Variants in IL3RA observed in about 807,000 individuals in gnomAD.
IL3RA encodes the protein interleukin 3 receptor subunit alpha.
A neutral mutation model predicts 52.3 loss-of-function variants in IL3RA; 73 were observed. The observed-to-expected ratio is 1.40, with a 90% confidence interval of 1.16 to 1.70. The LOEUF (loss-of-function observed/expected upper bound fraction) is 1.70. Among genes scored for constraint, IL3RA ranks in the 40% most tolerant of loss-of-function variants. The pLI, the probability that IL3RA is intolerant of heterozygous loss-of-function variation, is 0.00. For missense variants in IL3RA, 664 were observed against 504.4 expected, an observed-to-expected ratio of 1.32 and a Z score of -3.03; for synonymous variants, 260 against 194.0, an observed-to-expected ratio of 1.34 and a Z score of -2.83.
Position 1,341,756 on chromosome X carries a change from TGC to T in IL3RA, c.-8_-7del, listed in dbSNP as rs1208390425. The stretch of plus-strand genomic sequence containing the variant: ...GCACCTCTGTCCTGCGTTCCGGAGC[TGC>T]GTTCCCGATGGTCCTCCTTTGGCTC... On this transcript the variant is annotated 5_prime_UTR_variant, in exon 2 of 12. Coordinates refer to ENST00000331035, the MANE Select transcript of IL3RA (RefSeq NM_002183.4). 6.2e-7 allele frequency: 1 copy of T among 1,613,794 alleles called. No individual in the cohort carries two copies. Among genetic ancestry groups the T allele is most frequent in the Non-Finnish European group, 8.5e-7 (1 of 1,179,866 alleles).
intron 8 of IL3RA, among the ~76,000 whole-genome samples, chrX:1,360,024 T>C (rs1446787371): frequency 1.1e-5 from 1 of 91,508 alleles, no homozygotes; most frequent in Admixed American, 1.2e-4. Flanking sequence ...TATCTTCCCT[T>C]CTCCCCATCT....
intron 3 of IL3RA, among the ~76,000 whole-genome samples, chrX:1,348,018 CAG>C (rs2085839113): frequency 8.5e-6 from 1 of 118,306 alleles, no homozygotes; most frequent in Admixed American, 9.8e-5. Flanking sequence ...GCCTGGGCGA[CAG>C]AGCGAGACTC....
intron 6 of IL3RA, among the ~76,000 whole-genome samples, chrX:1,354,393 A>C (rs6603273): frequency 0.77 from 116,304 of 150,992 alleles, 45,544 homozygotes; most frequent in African/African-American, 0.88. Context: ...CCTGAACCCA[A>C]GGGCAGGGTG....
intron 2 of IL3RA, among the ~76,000 whole-genome samples, chrX:1,344,000 T>G (rs1383287977): frequency 6.6e-6 from 1 of 151,842 alleles, no homozygotes; most frequent in East Asian, 2.0e-4. Flanking sequence ...TTCACCGTGT[T>G]AGCCAGGATG....
chrX:1,364,363 C>CAT (rs1263576970), intron 8 of IL3RA, among the ~76,000 whole-genome samples: 1 of 136,888 alleles, frequency 7.3e-6, no homozygotes, highest in East Asian at 2.2e-4. Context: ...TGGTGGTGGG[C>CAT]GCCTGTAATC....
At chrX:1,356,190 TAAATCCTAA>T (rs2086690505) in intron 6 of IL3RA, 22 bp from the exon 7 acceptor site, 1 of 1,096,426 alleles carries the variant, frequency 9.1e-7, no homozygotes, top group Non-Finnish European at 1.3e-6. Context: ...CTTGTACTCC[TAAATCCTAA>T]AAGTGTTTTT....
rs1214798523 is a variant in IL3RA at position 1,358,805 on chromosome X, G to A, written c.733-56G>A. 3.7e-6 allele frequency: 6 copies of A among 1,603,926 alleles called. No homozygotes were observed. The Admixed American group carries it at 5.1e-5, about 14-fold the overall frequency. On this transcript the variant is annotated intron_variant, in intron 7 of 11. Coordinates refer to ENST00000331035, the MANE Select transcript of IL3RA (RefSeq NM_002183.4). ...AGGGAGAAATTTGAGTTTGGGAGGA[G>A]GAGGCTTTCAGGGACGGTCCAGACA...
intron 8 of IL3RA, among the ~76,000 whole-genome samples, chrX:1,359,312 A>T (rs1189699736): frequency 1.3e-5 from 2 of 151,956 alleles, no homozygotes; most frequent in Non-Finnish European, 2.9e-5. Context: ...GCATTCAGAC[A>T]GGTGGCCCAG....
At chrX:1,366,487 C>G (rs2088052290) in intron 9 of IL3RA, among the ~76,000 whole-genome samples, 1 of 80,996 alleles carries the variant, frequency 1.2e-5, no homozygotes, top group Non-Finnish European at 2.5e-5. Flanking sequence ...GCGGGGTGAG[C>G]CGGGTGCCCC....
At chrX:1,365,011 G>T in intron 8 of IL3RA, 127 bp from the exon 9 acceptor site, 3 of 615,920 alleles carry the variant, frequency 4.9e-6, no homozygotes, top group Non-Finnish European at 9.0e-6. Context: ...GTTTCACCAT[G>T]TTGGCCAGGC....
chrX:1,337,393 GT>G (rs1391105366), intron 1 of IL3RA, among the ~76,000 whole-genome samples: 30 of 152,284 alleles, frequency 2.0e-4, no homozygotes, highest in African/African-American at 7.0e-4. Flanking sequence ...TGCTTGTAGT[GT>G]TTCTCAGTGG....
chrX:1,356,204 G>C lies in IL3RA; in HGVS notation c.617-17G>C. On this transcript the variant is annotated splice_polypyrimidine_tract_variant and intron_variant, in intron 6 of 11. Transcript: ENST00000331035. Reference sequence around the variant, plus strand: ...TCTTGTACTCCTAAATCCTAAAAGTGTTTTTCTCGTTGCTAGAGATATTAA... The same window carrying C: ...TCTTGTACTCCTAAATCCTAAAAGTCTTTTTCTCGTTGCTAGAGATATTAA... The C allele has an allele frequency of 6.8e-7, 1 of 1,472,040 alleles. No individual in the cohort carries two copies. The highest frequency in any genetic ancestry group is 9.4e-7 in the Non-Finnish European group (1 of 1,061,038). 91.2% of individuals were successfully genotyped at this position (1,472,040 alleles called of 1,614,324 possible). A position where few individuals can be genotyped will look rare whatever the true frequency, so the allele number is the denominator to read the frequency against.
In IL3RA at chrX:1,348,436, G is replaced by A. The variant is rs2085875374; in HGVS notation, c.189G>A (p.Val63=). Reference sequence around the variant, plus strand: ...TAGTCCTATGTCTCTCTTAGGCAGTGAACAATAGCTATTGCCAGTTTGGAG... The same window carrying A: ...TAGTCCTATGTCTCTCTTAGGCAGTAAACAATAGCTATTGCCAGTTTGGAG... ...VKDADYSMPA[V]NNSYCQFGAI... The change falls in exon 4 of 12, where the codon GTG becomes GTA. Residue 63 remains valine, a synonymous_variant. Coordinates refer to ENST00000331035, the MANE Select transcript of IL3RA (RefSeq NM_002183.4). The A allele has an allele frequency of 3.1e-6, 5 of 1,612,532 alleles. No individual in the cohort carries two copies. The highest frequency in any genetic ancestry group is 2.2e-5 in the East Asian group (1 of 44,862).
intron 8 of IL3RA, among the ~76,000 whole-genome samples, chrX:1,359,797 C>T (rs1437837606): frequency 7.1e-6 from 1 of 141,210 alleles, no homozygotes. Flanking sequence ...TTTTATTCTC[C>T]CTCCCTCTCT....
intron 2 of IL3RA, among the ~76,000 whole-genome samples, 200 bp from the exon 3 acceptor site, chrX:1,345,116 T>A (rs143900941): frequency 0.011 from 1,641 of 150,858 alleles, 60 homozygotes; most frequent in African/African-American, 0.037. Context: ...TGCAGTGAGC[T>A]GAGATCGTGC....
chrX:1,366,459 G>C (rs1300405122), intron 9 of IL3RA, among the ~76,000 whole-genome samples: 3 of 64,578 alleles, frequency 4.6e-5, no homozygotes, highest in African/African-American at 7.0e-5. Context: ...AGCCGGGTGC[G>C]CGGGGTGAGC....
intron 4 of IL3RA, among the ~76,000 whole-genome samples, chrX:1,351,152 A>G (rs2086065975): frequency 6.6e-6 from 1 of 151,834 alleles, no homozygotes; most frequent in Non-Finnish European, 1.5e-5. Flanking sequence ...GGTTGCAGTG[A>G]GCCGAGATGG....
At position 1,351,777 on chromosome X, in the gene IL3RA, C is replaced by T. The variant is rs755287857; in HGVS notation, c.299-323C>T. Among the ~76,000 whole-genome samples the T allele has an allele frequency of 7.3e-5, 11 of 150,874 alleles. No homozygotes were observed. The South Asian group carries it at 2.3e-3, about 32-fold the overall frequency. ...CCGAGTAGCTGGGATTACAGCGGCCCGACATCACACCTGGCTAATTTTTTA... is the reference window on the plus strand; with the variant it reads ...CCGAGTAGCTGGGATTACAGCGGCCTGACATCACACCTGGCTAATTTTTTA... On this transcript the variant is annotated intron_variant, in intron 4 of 11. Coordinates refer to ENST00000331035, the MANE Select transcript of IL3RA (RefSeq NM_002183.4).
Position 1,382,687 on chromosome X carries a change from C to T in IL3RA, c.*222C>T, listed in dbSNP as rs2089235726. The T allele has an allele frequency of 3.4e-6, 2 of 582,226 alleles. No individual in the cohort carries two copies. The highest frequency in any genetic ancestry group is 6.2e-6 in the Non-Finnish European group (2 of 320,514). 36.1% of individuals were successfully genotyped at this position (582,226 alleles called of 1,614,324 possible). Reference sequence around the variant, plus strand: ...ATAAAGTGATTTTTTTTTTTTTAACCCACTCACTGGTCCCGGTCTCTGGAT... The same window carrying T: ...ATAAAGTGATTTTTTTTTTTTTAACTCACTCACTGGTCCCGGTCTCTGGAT... On this transcript the variant is annotated 3_prime_UTR_variant, in exon 12 of 12. Transcript: ENST00000331035.
Sources: allele counts gnomAD v4.1 joint callset (sites outside exome capture counted in the v4.1 genomes callset), GRCh38; gene constraint gnomAD v4.1.1; transcripts MANE v1.5; gene names NCBI Gene and HGNC (gene_info 2026-07-23, HGNC 2026-07-21).